Variants in PIK3R2 observed in about 807,000 individuals in gnomAD.
PIK3R2 encodes the protein phosphoinositide-3-kinase regulatory subunit 2.
Under a neutral mutation model 78.5 loss-of-function variants are expected in PIK3R2, and 40 were observed. That is an observed-to-expected ratio of 0.51 (90% confidence interval 0.40 to 0.66). PIK3R2 has a LOEUF of 0.66. PIK3R2 is among the 30% of genes least tolerant of loss of function. The probability of loss-of-function intolerance (pLI) is 0.00; values close to 1 mark genes in which losing one functional copy is unlikely to be tolerated. For missense variants in PIK3R2, 880 were observed against 1,026.6 expected (o/e 0.86, Z 1.95); for synonymous variants, 473 against 457.7 (o/e 1.03, Z -0.43).
Position 18,169,181 on chromosome 19 carries a change from C to A in PIK3R2, c.2074C>A (p.Leu692Met). The change falls in exon 16 of 16, where the codon CTG becomes ATG. Residue 692 changes from leucine (L) to methionine (M), a missense_variant. Leu to Met is a conservative substitution (Grantham distance 15). This residue lies in a region of PIK3R2 where 268 missense variants were observed against 299.1 expected (regional missense o/e 0.90). Coordinates refer to ENST00000222254, the MANE Select transcript of PIK3R2 (RefSeq NM_005027.4). The part of the protein sequence containing the change: ...PYNLYGSLKE[L>M]VLHYQHASLV... The stretch of plus-strand genomic sequence containing the variant: ...CAACCTGTACGGGTCGCTGAAGGAG[C>A]TGGTGCTGCACTACCAGCACGCCTC... 6.2e-7 allele frequency: 1 copy of A among 1,609,836 alleles called. No homozygotes were observed. Among genetic ancestry groups the A allele is most frequent in the Non-Finnish European group, 8.5e-7 (1 of 1,179,602 alleles).
chr19:18,157,444 C>T (rs1017398452), intron 2 of PIK3R2, among the ~76,000 whole-genome samples: 3 of 152,216 alleles, frequency 2.0e-5, no homozygotes, highest in Non-Finnish European at 4.4e-5. Context: ...CCCGCCCCCT[C>T]GAGGCCTCAG....
At chr19:18,154,977 G>A (rs927408937) in intron 1 of PIK3R2, among the ~76,000 whole-genome samples, 34 of 151,824 alleles carry the variant, frequency 2.2e-4, no homozygotes, top group Non-Finnish European at 7.4e-5. Flanking sequence ...ACTTTGGGAG[G>A]CCAAGGCGAG....
chr19:18,160,957 G>C lies in PIK3R2; in HGVS notation c.454G>C (p.Ala152Pro), dbSNP rs772803530. The C allele has an allele frequency of 1.2e-6, 2 of 1,612,290 alleles. No homozygotes were observed. Among genetic ancestry groups the C allele is most frequent in the Non-Finnish European group, 1.7e-6 (2 of 1,179,628 alleles). ...SESHYRPELP[A>P]PRTDWSLSDV... is the part of the protein sequence containing the mutation. ...ATCTCACTACCGCCCGGAGCTGCCCGCACCGCGTACAGGTGAAGGGGAGCC... is the reference window on the plus strand; with the variant it reads ...ATCTCACTACCGCCCGGAGCTGCCCCCACCGCGTACAGGTGAAGGGGAGCC... Residue 152 changes from alanine (A) to proline (P), a missense_variant, in exon 4 of 16, where the codon GCA (alanine) becomes CCA (proline). By Grantham distance (27) the Ala-to-Pro change is conservative (BLOSUM62 -1). This residue lies in a region of PIK3R2 where 456 missense variants were observed against 486.6 expected (regional missense o/e 0.94). Transcript: ENST00000222254.
chr19:18,162,721 T>TA, intron 9 of PIK3R2: 1 of 594,582 alleles, frequency 1.7e-6, no homozygotes, highest in Non-Finnish European at 2.9e-6. Flanking sequence ...CCGTCTCTAC[T>TA]AAAAAATTAA....
At chr19:18,165,331 C>T (rs1221926542) in intron 11 of PIK3R2, among the ~76,000 whole-genome samples, 2 of 148,242 alleles carry the variant, frequency 1.3e-5, no homozygotes, top group Admixed American at 6.8e-5. Flanking sequence ...CACCATTGCA[C>T]TCCATCCTGG....
rs575106640 is a variant in PIK3R2, at chr19:18,168,296, C to A, written c.1737-179C>A. 6.6e-6 allele frequency among the ~76,000 whole-genome samples: 1 copy of A among 152,276 alleles called. No individual in the cohort carries two copies. Among genetic ancestry groups the A allele is most frequent in the South Asian group, 2.1e-4 (1 of 4,824 alleles). ...GTCAGGGTTCCCCAGCAGAGCTGGG[C>A]GAGCCACCCTGGGTTCAGGCTGCCC... is the stretch of plus-strand genomic sequence containing the variant. On this transcript the variant is annotated intron_variant, in intron 13 of 15. Transcript: ENST00000222254. The surrounding 1 kb of genome is among the most constrained non-coding windows in gnomAD (Gnocchi z 4.1).
intron 2 of PIK3R2, among the ~76,000 whole-genome samples, chr19:18,158,210 C>G (rs1012302832): frequency 1.3e-5 from 2 of 152,228 alleles, no homozygotes; most frequent in African/African-American, 2.4e-5. Flanking sequence ...AGAAGCGGGC[C>G]GGGCACAGTG....
At position 18,168,926 on chromosome 19, in the gene PIK3R2, G is replaced by C. The variant is rs200019666; in HGVS notation, c.1979+30G>C. 6.3e-7 allele frequency: 1 copy of C among 1,598,148 alleles called. No individual in the cohort carries two copies. Among genetic ancestry groups the C allele is most frequent in the Non-Finnish European group, 8.5e-7 (1 of 1,172,098 alleles). Reference sequence around the variant, plus strand: ...GTGGACCGCAGCGGTGGGGATTCCCGCGTCCCTCCCAGAGCTCTCATTGAA... The same window carrying C: ...GTGGACCGCAGCGGTGGGGATTCCCCCGTCCCTCCCAGAGCTCTCATTGAA... On this transcript the variant is annotated intron_variant, in intron 15 of 15. Coordinates refer to ENST00000222254, the MANE Select transcript of PIK3R2 (RefSeq NM_005027.4). This position sits in a 1 kb window ranked among gnomAD's most constrained non-coding sequence, Gnocchi z 4.1.
At position 18,159,834 on chromosome 19, in the gene PIK3R2, C is replaced by T. The variant is rs577927013; in HGVS notation, c.323-637C>T. Among the ~76,000 whole-genome samples, 13 of 152,112 alleles carry T rather than the reference C, an allele frequency of 8.5e-5. No homozygotes were observed. The East Asian group carries it at 1.9e-3, about 23-fold the overall frequency. ...TTGGCTCACTGCAACCTCCGCCTCC[C>T]GGGTTCAAGCGATTCTCCTGCCTCA... On this transcript the variant is annotated intron_variant, in intron 2 of 15. Transcript: ENST00000222254.
In PIK3R2 at chr19:18,165,275, G is replaced by A. The variant is rs906700190; in HGVS notation, c.1417-885G>A. ...AGCTACTCAAGAGGCTGAGGCAGGA[G>A]AATAGCTTGAACCTGAGAGGTGGAG... On this transcript the variant is annotated intron_variant, in intron 11 of 15. Coordinates refer to ENST00000222254, the MANE Select transcript of PIK3R2 (RefSeq NM_005027.4). 3.5e-5 allele frequency among the ~76,000 whole-genome samples: 5 copies of A among 143,246 alleles called. No homozygotes were observed. The Admixed American group carries it at 3.8e-4, about 11-fold the overall frequency. The allele number at this position is 143,246 out of a possible 152,430, so 94.0% of individuals were successfully genotyped here.
chr19:18,156,293 G>T lies in PIK3R2; in HGVS notation c.322+92G>T. ...CCAGTGAGGCAATGGGATCTCCAAG[G>T]AAGGAGGAAAAAGGACATTTGGTCA... On this transcript the variant is annotated intron_variant, in intron 2 of 15. Coordinates refer to ENST00000222254, the MANE Select transcript of PIK3R2 (RefSeq NM_005027.4). This position sits in a 1 kb window ranked among gnomAD's most constrained non-coding sequence, Gnocchi z 4.2. 2 of 1,042,214 alleles carry T rather than the reference G, an allele frequency of 1.9e-6. No individual in the cohort carries two copies. Among genetic ancestry groups the T allele is most frequent in the African/African-American group, 1.7e-5 (1 of 59,478 alleles). The allele number at this position is 1,042,214 out of a possible 1,614,324, so 64.6% of individuals were successfully genotyped here.
At position 18,169,106 on chromosome 19, in the gene PIK3R2, C is replaced by T. The variant is rs1480103403; in HGVS notation, c.1999C>T (p.His667Tyr). 1 of 1,611,394 alleles carries T rather than the reference C, an allele frequency of 6.2e-7. No homozygotes were observed. ...CSVVVDGDTK[H>Y]CVIYRTATGF... ...CCACAGAGTGGACGGCGACACCAAG[C>T]ACTGCGTCATCTACCGCACGGCCAC... The change falls in exon 16 of 16, where the codon CAC (histidine) becomes TAC (tyrosine). Residue 667 changes from histidine (H) to tyrosine (Y), a missense_variant. This residue lies in a region of PIK3R2 where 268 missense variants were observed against 299.1 expected (regional missense o/e 0.90). Transcript: ENST00000222254.
chr19:18,169,130 A>G lies in PIK3R2; in HGVS notation c.2023A>G (p.Thr675Ala), dbSNP rs772544059. The G allele has an allele frequency of 6.2e-7, 1 of 1,611,834 alleles. No individual in the cohort carries two copies. Among genetic ancestry groups the G allele is most frequent in the Non-Finnish European group, 8.5e-7 (1 of 1,179,832 alleles). Residue 675 changes from threonine to alanine, a missense_variant, in exon 16 of 16, where the codon ACC (threonine) becomes GCC (alanine). By Grantham distance (58) the Thr-to-Ala change is moderately conservative (BLOSUM62 0). This residue lies in a region of PIK3R2 where 268 missense variants were observed against 299.1 expected (regional missense o/e 0.90). Coordinates refer to ENST00000222254, the MANE Select transcript of PIK3R2 (RefSeq NM_005027.4). ...TKHCVIYRTATGFGFAEPYNL... is the reference protein window; with the variant it reads ...TKHCVIYRTAAGFGFAEPYNL... ...GCACTGCGTCATCTACCGCACGGCC[A>G]CCGGCTTCGGCTTCGCGGAGCCCTA...
In PIK3R2 at chr19:18,170,200, T is replaced by G. The variant is rs1324414218; in HGVS notation, c.*906T>G. 1 of 153,028 alleles carries G rather than the reference T, an allele frequency of 6.5e-6. No individual in the cohort carries two copies. 9.5% of individuals were successfully genotyped at this position (153,028 alleles called of 1,614,324 possible). On this transcript the variant is annotated 3_prime_UTR_variant, in exon 16 of 16. Transcript: ENST00000222254. ...TCCAGCCTGGGTAACAGAGGGAGAC[T>G]CCTCCGTCTCAAAAAAATAAATAAA...
Position 18,169,108 on chromosome 19 carries a change from C to T in PIK3R2, c.2001C>T (p.His667=), listed in dbSNP as rs761265994. 6.2e-7 allele frequency: 1 copy of T among 1,611,622 alleles called. No homozygotes were observed. The highest frequency in any genetic ancestry group is 1.1e-5 in the South Asian group (1 of 91,062). Residue 667 remains histidine (H), a synonymous_variant, in exon 16 of 16, where the codon CAC becomes CAT. Transcript: ENST00000222254. ...ACAGAGTGGACGGCGACACCAAGCA[C>T]TGCGTCATCTACCGCACGGCCACCG... ...CSVVVDGDTK[H]CVIYRTATGF... is the part of the protein sequence containing the mutation.
At position 18,161,265 on chromosome 19, in the gene PIK3R2, C is replaced by A; in HGVS notation, c.599-14C>A. 1 of 1,435,260 alleles carries A rather than the reference C, an allele frequency of 7.0e-7. No individual in the cohort carries two copies. The highest frequency in any genetic ancestry group is 1.5e-5 in the South Asian group (1 of 68,782). 88.9% of individuals were successfully genotyped at this position (1,435,260 alleles called of 1,614,324 possible). On this transcript the variant is annotated splice_polypyrimidine_tract_variant and intron_variant, in intron 5 of 15. Transcript: ENST00000222254. This position sits in a 1 kb window ranked among gnomAD's most constrained non-coding sequence, Gnocchi z 5.3. ...CCAGGCCTGGCTCACCCTGCCCTGG[C>A]CATCTGTCCGCAGAGGCCGCGGGGC...
At chr19:18,157,717 T>A (rs2043692848) in intron 2 of PIK3R2, among the ~76,000 whole-genome samples, 2 of 142,846 alleles carry the variant, frequency 1.4e-5, no homozygotes, top group Admixed American at 1.4e-4. Flanking sequence ...CACCTCCACC[T>A]CCTCCTTGTC....
Position 18,161,466 on chromosome 19 carries a change from C to T in PIK3R2, c.786C>T (p.Ser262=), listed in dbSNP as rs2043745523. The T allele has an allele frequency of 3.3e-6, 4 of 1,198,360 alleles. No homozygotes were observed. The highest frequency in any genetic ancestry group is 3.2e-5 in the African/African-American group (2 of 62,916). 74.2% of individuals were successfully genotyped at this position (1,198,360 alleles called of 1,614,324 possible). The change falls in exon 6 of 16, where the codon TCC becomes TCT. Residue 262 remains serine, a synonymous_variant. Coordinates refer to ENST00000222254, the MANE Select transcript of PIK3R2 (RefSeq NM_005027.4). This position sits in a 1 kb window ranked among gnomAD's most constrained non-coding sequence, Gnocchi z 5.3. ...TGCTGCGCGCGCCGCCGCCGCCGTC[C>T]TCGCCGCCGCCAGGGGGCGCTCCCG... ...PLLLRAPPPP[S]SPPPGGAPDG...
intron 11 of PIK3R2, 37 bp downstream of exon 11, chr19:18,163,425 T>C (rs756549386): frequency 5.6e-6 from 9 of 1,611,032 alleles, no homozygotes; most frequent in Admixed American, 3.3e-5. Flanking sequence ...AACCGAGACA[T>C]AGAGGGGCAG....
Sources: gnomAD v4.1 joint callset for allele counts (sites outside exome capture counted in the v4.1 genomes callset) on GRCh38, gnomAD v4.1.1 for gene constraint, gnomAD v4.1.1 regional missense constraint, Gnocchi (gnomAD v3.1) non-coding constraint, MANE v1.5 for transcripts, NCBI Gene and HGNC (gene_info 2026-07-23, HGNC 2026-07-21) for gene names.